Variants in TYW1 observed in about 807,000 individuals in gnomAD.
The protein encoded by TYW1 is tRNA-yW synthesizing protein 1 homolog, also known as S-adenosyl-L-methionine-dependent tRNA 4-demethylwyosine synthase TYW1.
Under a neutral mutation model 96.2 loss-of-function variants are expected in TYW1, and 46 were observed. The ratio of observed to expected loss-of-function variants is 0.48; its 90% confidence interval spans 0.38 to 0.61. The LOEUF (loss-of-function observed/expected upper bound fraction) is 0.61. TYW1 is among the 20% of genes least tolerant of loss of function. TYW1 has a pLI of 0.00. For synonymous variants in TYW1, 274 were observed against 323.0 expected (o/e 0.85, Z 1.63); for missense variants, 684 against 909.6 (o/e 0.75, Z 3.19).
At chr7:67,141,538 C>T (rs535447085) in intron 13 of TYW1, among the ~76,000 whole-genome samples, 32 of 152,262 alleles carry the variant, frequency 2.1e-4, no homozygotes, top group African/African-American at 6.3e-4. Context: ...TTTTACAGTT[C>T]GTGTTTGTCT....
At chr7:67,009,394 T>C (rs1187301178) in intron 3 of TYW1, among the ~76,000 whole-genome samples, 189 bp from the exon 4 acceptor site, 9 of 152,162 alleles carry the variant, frequency 5.9e-5, no homozygotes, top group Non-Finnish European at 4.4e-5. Flanking sequence ...ACAACACAAA[T>C]GAATGATCTC....
intron 13 of TYW1, among the ~76,000 whole-genome samples, chr7:67,166,332 A>T (rs148494831): frequency 0.1 from 10,794 of 105,292 alleles, 1,506 homozygotes; most frequent in African/African-American, 0.25. Flanking sequence ...TAACATATAT[A>T]ATATATATAA....
At chr7:67,049,228 C>T (rs1443905617) in intron 7 of TYW1, among the ~76,000 whole-genome samples, 1 of 152,178 alleles carries the variant, frequency 6.6e-6, no homozygotes, top group African/African-American at 2.4e-5. Flanking sequence ...TAACCTTCAA[C>T]ATATTTCTTC....
intron 13 of TYW1, among the ~76,000 whole-genome samples, chr7:67,120,080 CTTCTTTTTT>C (rs1483121627): frequency 1.4e-5 from 2 of 146,592 alleles, no homozygotes; most frequent in African/African-American, 5.2e-5. Context: ...TTCTTTTTTT[CTTCTTTTTT>C]TTCTTTTTTT....
At chr7:67,079,890 A>T (rs1796327574) in intron 10 of TYW1, among the ~76,000 whole-genome samples, 1 of 152,014 alleles carries the variant, frequency 6.6e-6, no homozygotes. Flanking sequence ...CCATTACTTT[A>T]TATAGGTTCC....
intron 13 of TYW1, 72 bp downstream of exon 13, chr7:67,117,690 A>G (rs1361677064): frequency 1.5e-6 from 2 of 1,373,040 alleles, no homozygotes; most frequent in East Asian, 5.3e-5. Context: ...AGAAAGAAAG[A>G]TGGAAGAAAA....
intron 7 of TYW1, among the ~76,000 whole-genome samples, chr7:67,045,570 C>T (rs933333487): frequency 1.3e-5 from 2 of 152,176 alleles, no homozygotes; most frequent in East Asian, 3.8e-4. Flanking sequence ...AGCACCACTG[C>T]TTTATTACTA....
chr7:67,170,769 G>A (rs549361388), intron 13 of TYW1, among the ~76,000 whole-genome samples: 2 of 152,102 alleles, frequency 1.3e-5, no homozygotes, highest in Non-Finnish European at 1.5e-5. Context: ...TACGTGACTT[G>A]CTTTCATTCC....
At chr7:67,041,672 C>T (rs1358425714) in intron 7 of TYW1, among the ~76,000 whole-genome samples, 1 of 152,108 alleles carries the variant, frequency 6.6e-6, no homozygotes, top group Non-Finnish European at 1.5e-5. Context: ...CATGACACAC[C>T]ACATGAAATT....
intron 6 of TYW1, among the ~76,000 whole-genome samples, chr7:67,018,891 G>T (rs1794118232): frequency 1.3e-5 from 2 of 150,646 alleles, no homozygotes; most frequent in African/African-American, 4.9e-5. Flanking sequence ...GGGAGGTGGA[G>T]GTTCCAGTGA....
chr7:67,228,676 T>C (rs2116439575), intron 15 of TYW1, among the ~76,000 whole-genome samples: 1 of 152,326 alleles, frequency 6.6e-6, no homozygotes, highest in Non-Finnish European at 1.5e-5. Flanking sequence ...TATATAAGAT[T>C]TCCTTCTTAT....
At chr7:67,109,222 C>T (rs2960970) in intron 12 of TYW1, among the ~76,000 whole-genome samples, 36,042 of 139,890 alleles carry the variant, frequency 0.26, 4,643 homozygotes, top group African/African-American at 0.34. Flanking sequence ...TGCAGTGAGC[C>T]GAGATAGTGC....
At position 67,098,662 on chromosome 7, in the gene TYW1, C is replaced by G. The variant is rs376150361; in HGVS notation, c.1506C>G (p.His502Gln). 1.2e-4 allele frequency: 194 copies of G among 1,613,974 alleles called. No homozygotes were observed. Among genetic ancestry groups the G allele is most frequent in the Non-Finnish European group, 1.5e-4 (182 of 1,180,006 alleles). The change falls in exon 12 of 16, where the codon CAC becomes CAG. Residue 502 changes from histidine to glutamine, a missense_variant. By Grantham distance (24) the His-to-Gln change is conservative. Coordinates refer to ENST00000359626, the MANE Select transcript of TYW1 (RefSeq NM_018264.4). Reference sequence around the variant, plus strand: ...TCAACAGGTTTTTGAAGCTACTCCACCAGTGTAAAATTTCCAGCTTCCTGG... The same window carrying G: ...TCAACAGGTTTTTGAAGCTACTCCAGCAGTGTAAAATTTCCAGCTTCCTGG... ...PEINRFLKLL[H>Q]QCKISSFLVT...
chr7:67,114,878 C>T (rs1328765390), intron 12 of TYW1, among the ~76,000 whole-genome samples: 1 of 152,132 alleles, frequency 6.6e-6, no homozygotes, highest in Non-Finnish European at 1.5e-5. Flanking sequence ...GGGACCTTTT[C>T]CTCTTCTCCA....
chr7:67,041,944 T>TTA (rs1341741776), intron 7 of TYW1, among the ~76,000 whole-genome samples: 1 of 150,214 alleles, frequency 6.7e-6, no homozygotes, highest in Admixed American at 6.7e-5. Flanking sequence ...TATTTTCTTG[T>TTA]ATAGTAGTTA....
chr7:67,057,651 G>A (rs543743522), intron 9 of TYW1, among the ~76,000 whole-genome samples: 6 of 152,220 alleles, frequency 3.9e-5, no homozygotes, highest in Non-Finnish European at 7.4e-5. Context: ...GATTATAGGC[G>A]TGAGCCACCA....
intron 6 of TYW1, among the ~76,000 whole-genome samples, chr7:67,020,891 G>T (rs539699474): frequency 6.6e-6 from 1 of 152,380 alleles, no homozygotes; most frequent in Non-Finnish European, 1.5e-5. Context: ...AGCTGGGTAT[G>T]CTGGCAGGCA....
At position 67,014,652 on chromosome 7, in the gene TYW1, C is replaced by A. The variant is rs1181914585; in HGVS notation, c.570+91C>A. The A allele has an allele frequency of 6.2e-6, 9 of 1,451,490 alleles. No individual in the cohort carries two copies. In the Admixed American group the frequency reaches 1.4e-4, roughly 22 times the overall value. 89.9% of individuals were successfully genotyped at this position (1,451,490 alleles called of 1,614,324 possible). A position where few individuals can be genotyped will look rare whatever the true frequency, so the allele number is the denominator to read the frequency against. ...AAACACACACACGTGCACACACGCA[C>A]ACACACATAAACACACATGTATGTG... On this transcript the variant is annotated intron_variant, in intron 5 of 15. Transcript: ENST00000359626.
chr7:67,157,284 T>G (rs1799013729), intron 13 of TYW1, among the ~76,000 whole-genome samples: 1 of 152,210 alleles, frequency 6.6e-6, no homozygotes, highest in African/African-American at 2.4e-5. Flanking sequence ...TGAACCAATA[T>G]TTTTTGTTGT....
Sources: allele counts gnomAD v4.1 joint callset (sites outside exome capture counted in the v4.1 genomes callset), GRCh38; gene constraint gnomAD v4.1.1; transcripts MANE v1.5; gene names NCBI Gene and HGNC (gene_info 2026-07-23, HGNC 2026-07-21).